The following AGBL4 variants were observed in gnomAD, a reference collection of about 807,000 sequenced individuals.
AGBL4 encodes the protein AGBL carboxypeptidase 4, also known as cytosolic carboxypeptidase 6.
In AGBL4, 58 loss-of-function variants were observed where a neutral mutation model predicts 66.4. The ratio of observed to expected loss-of-function variants is 0.87; its 90% CI spans 0.71 to 1.09. AGBL4 has a LOEUF of 1.09. AGBL4 is among the 50% of genes least tolerant of loss of function. AGBL4 has a pLI of 0.00. For synonymous variants in AGBL4, 234 were observed against 222.9 expected (o/e 1.05, Z -0.44); for missense variants, 579 against 631.0 (o/e 0.92, Z 0.88).
At chr1:49,718,331 T>A (rs1053895118) in intron 2 of AGBL4, among the ~76,000 whole-genome samples, 2 of 152,038 alleles carry the variant, frequency 1.3e-5, no homozygotes, top group African/African-American at 2.4e-5. Context: ...TGGCTTCCCC[T>A]TTACCTTCTG....
chr1:48,552,355 C>G (rs1287349221), intron 11 of AGBL4, among the ~76,000 whole-genome samples: 1 of 152,208 alleles, frequency 6.6e-6, no homozygotes, highest in Non-Finnish European at 1.5e-5. Context: ...AGCCACTGCA[C>G]CCAGCCTCAT....
At chr1:49,189,360 G>C (rs575839456) in intron 4 of AGBL4, among the ~76,000 whole-genome samples, 21 of 152,276 alleles carry the variant, frequency 1.4e-4, no homozygotes, top group Non-Finnish European at 2.5e-4. Context: ...ACAGATGAGT[G>C]AGTGAATGAA....
chr1:49,202,061 G>T (rs1379498763), intron 4 of AGBL4, among the ~76,000 whole-genome samples: 1 of 152,050 alleles, frequency 6.6e-6, no homozygotes, highest in Non-Finnish European at 1.5e-5. Context: ...TCCATCAAAG[G>T]GCTCTCCTTA....
intron 2 of AGBL4, among the ~76,000 whole-genome samples, chr1:49,719,573 A>G (rs990719754): frequency 6.6e-6 from 1 of 152,098 alleles, no homozygotes; most frequent in African/African-American, 2.4e-5. Context: ...GCGTCACTGT[A>G]TTGTGGTCTG....
chr1:49,289,718 A>T (rs1362190878), intron 3 of AGBL4, among the ~76,000 whole-genome samples: 1 of 152,200 alleles, frequency 6.6e-6, no homozygotes, highest in Non-Finnish European at 1.5e-5. Flanking sequence ...AGCTAAGAGT[A>T]TTCAAAGAGA....
chr1:49,395,731 GTGTATATATATATA>G (rs1041189524), intron 3 of AGBL4, among the ~76,000 whole-genome samples: 1 of 141,602 alleles, frequency 7.1e-6, no homozygotes, highest in Non-Finnish European at 1.5e-5. Context: ...GCCAAAATGT[GTGTATATATATATA>G]TGTATATATA....
intron 4 of AGBL4, among the ~76,000 whole-genome samples, chr1:49,122,683 CA>C (rs1645682217): frequency 6.6e-6 from 1 of 152,170 alleles, no homozygotes; most frequent in Non-Finnish European, 1.5e-5. Flanking sequence ...TGACCTTAGA[CA>C]ATTTACTTCA....
intron 3 of AGBL4, among the ~76,000 whole-genome samples, chr1:49,507,562 G>A (rs1373190428): frequency 6.6e-6 from 1 of 151,798 alleles, no homozygotes; most frequent in African/African-American, 2.4e-5. Context: ...CAGTCATCAA[G>A]ACTCAAATAA....
intron 9 of AGBL4, among the ~76,000 whole-genome samples, chr1:48,596,802 A>C (rs1014878307): frequency 3.3e-5 from 5 of 152,096 alleles, no homozygotes; most frequent in African/African-American, 9.7e-5. Context: ...TCTTCCTCAG[A>C]TATGTCCTGA....
At chr1:49,908,958 T>C (rs1650549890) in intron 1 of AGBL4, among the ~76,000 whole-genome samples, 1 of 152,152 alleles carries the variant, frequency 6.6e-6, no homozygotes, top group African/African-American at 2.4e-5. Flanking sequence ...CAATTGCTAT[T>C]TATACATATA....
In AGBL4 at chr1:48,624,728, G is replaced by A. The variant is rs369231276; in HGVS notation, c.951+9765C>T. On this transcript the variant is annotated intron_variant, in intron 9 of 13. Transcript: ENST00000371839. ...AAGAACAAAGAAATGAGGGTTCACT[G>A]TGGAACAAAGTATACAGGGAACCCT... is the stretch of plus-strand genomic sequence containing the variant. 4.6e-5 allele frequency among the ~76,000 whole-genome samples: 7 copies of A among 152,354 alleles called. No individual in the cohort carries two copies. In the East Asian group the frequency reaches 1.4e-3, roughly 29 times the overall value.
chr1:49,584,041 C>T (rs1345529376), intron 3 of AGBL4, among the ~76,000 whole-genome samples: 1 of 152,040 alleles, frequency 6.6e-6, no homozygotes, highest in Non-Finnish European at 1.5e-5. Flanking sequence ...TTATTTTTTT[C>T]CTTCTCCTTA....
At chr1:49,017,657 G>A (rs937165365) in intron 5 of AGBL4, among the ~76,000 whole-genome samples, 1 of 152,044 alleles carries the variant, frequency 6.6e-6, no homozygotes, top group African/African-American at 2.4e-5. Context: ...ACTCCAGGAG[G>A]GCAGAAATCA....
chr1:49,845,443 C>T, intron 2 of AGBL4: 1 of 1,476,582 alleles, frequency 6.8e-7, no homozygotes, highest in Non-Finnish European at 9.5e-7. Context: ...AGCCTTCCAG[C>T]AAAGCATCCA....
At chr1:49,760,448 T>C (rs574305123) in intron 2 of AGBL4, among the ~76,000 whole-genome samples, 294 of 152,212 alleles carry the variant, frequency 1.9e-3, no homozygotes, top group South Asian at 3.3e-3. Context: ...ATCAGAGAAA[T>C]GCAAATCAAA....
chr1:49,156,772 T>C (rs568241930), intron 4 of AGBL4, among the ~76,000 whole-genome samples: 149 of 152,292 alleles, frequency 9.8e-4, no homozygotes, highest in African/African-American at 3.2e-3. Flanking sequence ...TGCCAGATTT[T>C]ATTTATCACA....
At chr1:49,919,628 A>G (rs1207818129) in intron 1 of AGBL4, among the ~76,000 whole-genome samples, 1 of 152,128 alleles carries the variant, frequency 6.6e-6, no homozygotes. Context: ...GCTCATGGGT[A>G]GGAAGAATCA....
intron 6 of AGBL4, among the ~76,000 whole-genome samples, chr1:48,708,313 T>C (rs1646911503): frequency 6.6e-6 from 1 of 151,998 alleles, no homozygotes; most frequent in South Asian, 2.1e-4. Context: ...GAAGGAGAGC[T>C]GGGGCTGGAA....
chr1:48,948,615 C>T (rs1308759460), intron 5 of AGBL4, among the ~76,000 whole-genome samples: 4 of 152,174 alleles, frequency 2.6e-5, no homozygotes. Context: ...ATTTTTTACC[C>T]TCTTGCCTTT....
Sources: gnomAD v4.1 joint callset for allele counts (sites outside exome capture counted in the v4.1 genomes callset) on GRCh38, gnomAD v4.1.1 for gene constraint, MANE v1.5 for transcripts, NCBI Gene and HGNC (gene_info 2026-07-23, HGNC 2026-07-21) for gene names.